Variants in SATB1 observed in about 807,000 individuals in gnomAD.
SATB1 encodes DNA-binding protein SATB1.
In SATB1, 11 loss-of-function variants were observed where a neutral mutation model predicts 86.9. The ratio of observed to expected loss-of-function variants is 0.13; its 90% confidence interval spans 0.08 to 0.21. SATB1 has a LOEUF of 0.21. Among genes scored for constraint, SATB1 ranks in the 10% least tolerant of loss-of-function variants. The probability of loss-of-function intolerance (pLI) is 1.00; values close to 1 mark genes in which losing one functional copy is unlikely to be tolerated. For missense variants in SATB1, 551 were observed against 937.6 expected (o/e 0.59, Z 5.39); for synonymous variants, 357 against 357.2 (o/e 1.00, Z 0.01).
chr3:18,422,683 T>C lies in SATB1; in HGVS notation c.-25+944A>G, dbSNP rs554190344. ...GTTTCATGTGGATAACACAGAGCTT[T>C]TTCTGAAATTGGTTGCCTCATCCTA... On this transcript the variant is annotated intron_variant, in intron 1 of 10. Coordinates refer to ENST00000338745, the MANE Select transcript of SATB1 (RefSeq NM_002971.6). Among the ~76,000 whole-genome samples the C allele has an allele frequency of 1.2e-4, 18 of 152,348 alleles. No individual in the cohort carries two copies. In the South Asian group the frequency reaches 3.5e-3, roughly 30 times the overall value.
At chr3:18,365,801 A>G (rs2125158071) in intron 9 of SATB1, among the ~76,000 whole-genome samples, 1 of 152,320 alleles carries the variant, frequency 6.6e-6, no homozygotes, top group African/African-American at 2.4e-5. Flanking sequence ...CCAGGGTCCA[A>G]GCTATTTAGT....
rs398062130 is a variant in SATB1 at position 18,348,735 on chromosome 3, CTT to C, written c.*433_*434del. Reference sequence around the variant, plus strand: ...AATAGAGTAACAAACTCTTTTTTTTCTTTTTTTTTTTTAAATAAGGGGCAAGT... The same window carrying C: ...AATAGAGTAACAAACTCTTTTTTTTCTTTTTTTTTTAAATAAGGGGCAAGT... On this transcript the variant is annotated 3_prime_UTR_variant, in exon 11 of 11. Coordinates refer to ENST00000338745, the MANE Select transcript of SATB1 (RefSeq NM_002971.6). 1.0e-4 allele frequency: 15 copies of C among 146,788 alleles called. No individual in the cohort carries two copies. The highest frequency in any genetic ancestry group is 4.0e-4 in the South Asian group (2 of 5,046). The allele number at this position is 146,788 out of a possible 1,614,324, so 9.1% of individuals were successfully genotyped here. A position where few individuals can be genotyped will look rare whatever the true frequency, so the allele number is the denominator to read the frequency against.
In SATB1 at chr3:18,416,117, T is replaced by C. The variant is rs766087664; in HGVS notation, c.405A>G (p.Gly135=). Residue 135 remains glycine (G), a synonymous_variant, in exon 4 of 11, where the codon GGA becomes GGG. Transcript: ENST00000338745. ...AAGACAGTGGAACTGGATTCCACTT[T>C]CCAACCTGGATTAGCCCTATTTCAG... The part of the protein sequence containing the change: ...AAQAKGLIQV[G]KWNPVPLSYV... 9 of 1,608,604 alleles carry C rather than the reference T, an allele frequency of 5.6e-6. No homozygotes were observed. The African/African-American group carries it at 6.7e-5, about 12-fold the overall frequency.
At position 18,348,463 on chromosome 3, in the gene SATB1, A is replaced by C. The variant is rs1393383320; in HGVS notation, c.*707T>G. ...ATTACATTTAACGGAAACTTCCAAA[A>C]AATTAATTACAACATGATGCTGCAG... On this transcript the variant is annotated 3_prime_UTR_variant, in exon 11 of 11. Coordinates refer to ENST00000338745, the MANE Select transcript of SATB1 (RefSeq NM_002971.6). 1 of 152,646 alleles carries C rather than the reference A, an allele frequency of 6.6e-6. No individual in the cohort carries two copies. The highest frequency in any genetic ancestry group is 6.5e-5 in the Admixed American group (1 of 15,294). The allele number at this position is 152,646 out of a possible 1,614,324, so 9.5% of individuals were successfully genotyped here.
chr3:18,411,178 T>C (rs188414912), intron 5 of SATB1: 48 of 328,262 alleles, frequency 1.5e-4, no homozygotes, highest in African/African-American at 8.5e-4. Context: ...ACCCACTTTA[T>C]ATGACTTGGC....
chr3:18,379,175 C>T (rs1024324660), intron 8 of SATB1, among the ~76,000 whole-genome samples: 4 of 152,148 alleles, frequency 2.6e-5, no homozygotes, highest in African/African-American at 9.7e-5. Context: ...CAGATATCGG[C>T]AGTAAAATGC....
chr3:18,350,542 T>G (rs1694298391), intron 10 of SATB1: 1 of 152,346 alleles, frequency 6.6e-6, no homozygotes, highest in Admixed American at 6.5e-5. Flanking sequence ...TAAATCAACC[T>G]AAGTGGCAAA....
At chr3:18,412,267 T>A (rs1697889066) in intron 5 of SATB1, among the ~76,000 whole-genome samples, 2 of 152,140 alleles carry the variant, frequency 1.3e-5, no homozygotes, top group South Asian at 4.1e-4. Context: ...GTTCTAAGAA[T>A]CCAAGTCCAA....
At chr3:18,400,672 T>C (rs984445989) in intron 5 of SATB1, among the ~76,000 whole-genome samples, 2 of 152,188 alleles carry the variant, frequency 1.3e-5, no homozygotes, top group African/African-American at 2.4e-5. Flanking sequence ...ACATATTACA[T>C]ATAGACTGAA....
upstream of SATB1, among the ~76,000 whole-genome samples, chr3:18,425,903 AAACT>A (rs1187149591): frequency 6.6e-6 from 1 of 151,650 alleles, no homozygotes; most frequent in Non-Finnish European, 1.5e-5. Flanking sequence ...CCAGGGGAGA[AAACT>A]AACCAACCAC....
chr3:18,383,478 T>G (rs2125200602), intron 8 of SATB1, among the ~76,000 whole-genome samples: 1 of 152,320 alleles, frequency 6.6e-6, no homozygotes, highest in South Asian at 2.1e-4. Context: ...GCTTTTAACA[T>G]GTGGTTCTTT....
At chr3:18,382,956 A>G (rs1696137908) in intron 8 of SATB1, among the ~76,000 whole-genome samples, 2 of 152,332 alleles carry the variant, frequency 1.3e-5, no homozygotes, top group South Asian at 4.1e-4. Context: ...TTTTTCTTCT[A>G]GGGAAAGGTT....
chr3:18,370,481 C>A, intron 9 of SATB1, among the ~76,000 whole-genome samples: 1 of 106,046 alleles, frequency 9.4e-6, no homozygotes, highest in African/African-American at 3.7e-5. Flanking sequence ...GACTGCTTTA[C>A]TGTTAACTGA....
chr3:18,395,098 T>C (rs181893348), intron 6 of SATB1, among the ~76,000 whole-genome samples, 182 bp from the exon 7 acceptor site: 54 of 152,308 alleles, frequency 3.5e-4, no homozygotes, highest in African/African-American at 1.2e-3. Context: ...CCTGAACAAT[T>C]CTACAAACTT....
chr3:18,421,203 T>C (rs999359025), intron 1 of SATB1: 1 of 416,344 alleles, frequency 2.4e-6, no homozygotes. Context: ...GTGGAAACTG[T>C]ACCAATACAC....
In SATB1 at chr3:18,417,093, A is replaced by G; in HGVS notation, c.212-15T>C. 1 of 1,608,528 alleles carries G rather than the reference A, an allele frequency of 6.2e-7. No homozygotes were observed. The highest frequency in any genetic ancestry group is 8.5e-7 in the Non-Finnish European group (1 of 1,178,342). ...CAGCATGGTTCCTATCAAAAAGATG[A>G]AGAAGAAGAGATGGAAAACCAACAA... On this transcript the variant is annotated splice_polypyrimidine_tract_variant and intron_variant, in intron 2 of 10. Coordinates refer to ENST00000338745, the MANE Select transcript of SATB1 (RefSeq NM_002971.6).
chr3:18,439,599 T>G (rs1699182797), upstream of SATB1, among the ~76,000 whole-genome samples: 1 of 152,148 alleles, frequency 6.6e-6, no homozygotes, highest in African/African-American at 2.4e-5. Flanking sequence ...TAGTAGACAC[T>G]TTTTCTTCAG....
chr3:18,351,768 T>C, intron 10 of SATB1: 1 of 562,268 alleles, frequency 1.8e-6, no homozygotes, highest in Admixed American at 3.1e-5. Context: ...GGGGTTCCTG[T>C]TGCTTTGGTG....
In SATB1 at chr3:18,444,918, AGAAGGG is replaced by A. The variant is rs1362120488; in HGVS notation, c.-25+594_-25+599del. The stretch of plus-strand genomic sequence containing the variant: ...GGAGATGTTAACGGGCGGGGGGGGG[AGAAGGG>A]GGAGGGGGCGGCGGCGGGGGCGGGA... On this transcript the variant is annotated intron_variant, in intron 1 of 3. Coordinates refer to the SATB1 transcript ENST00000415069. This position sits in a 1 kb window ranked among gnomAD's most constrained non-coding sequence, Gnocchi z 5.1. The A allele has an allele frequency of 5.6e-5, 1 of 17,956 alleles. No individual in the cohort carries two copies. The highest frequency in any genetic ancestry group is 1.1e-4 in the Non-Finnish European group (1 of 9,352). 1.1% of individuals were successfully genotyped at this position (17,956 alleles called of 1,614,324 possible). A position where few individuals can be genotyped will look rare whatever the true frequency, so the allele number is the denominator to read the frequency against.
Sources: gnomAD v4.1 joint callset for allele counts (sites outside exome capture counted in the v4.1 genomes callset) on GRCh38, gnomAD v4.1.1 for gene constraint, Gnocchi (gnomAD v3.1) non-coding constraint, MANE v1.5 for transcripts, NCBI Gene and HGNC (gene_info 2026-07-23, HGNC 2026-07-21) for gene names.